MACROD2: variants seen among roughly 807,000 people sequenced by gnomAD.
The protein encoded by MACROD2 is mono-ADP ribosylhydrolase 2, also known as ADP-ribose glycohydrolase MACROD2.
MACROD2 carries 36 observed loss-of-function variants against 70.4 expected under a neutral mutation model. The observed-to-expected ratio is 0.51, with a 90% CI of 0.39 to 0.68. MACROD2 has a LOEUF of 0.68. MACROD2 is among the 30% of genes least tolerant of loss of function. The pLI is 0.00. For missense variants in MACROD2, 496 were observed against 538.4 expected (o/e 0.92, Z 0.78); for synonymous variants, 172 against 178.8 (o/e 0.96, Z 0.30).
chr20:15,036,260 T>G (rs17355703), intron 5 of MACROD2, among the ~76,000 whole-genome samples: 21,232 of 152,152 alleles, frequency 0.14, 1,609 homozygotes, highest in Non-Finnish European at 0.16. Context: ...AGAACACTTG[T>G]AGAACTTGGA....
At chr20:15,157,362 T>C (rs372909653) in intron 5 of MACROD2, among the ~76,000 whole-genome samples, 3,430 of 15,888 alleles carry the variant, frequency 0.22, 74 homozygotes, top group African/African-American at 0.26. Flanking sequence ...CCCCCCCACC[T>C]CCCCCCCCCC....
chr20:14,344,542 T>C (rs969952110), intron 3 of MACROD2, among the ~76,000 whole-genome samples: 7 of 152,198 alleles, frequency 4.6e-5, no homozygotes, highest in Admixed American at 3.9e-4. Context: ...TTCACTAGTT[T>C]TGTTTGTTTT....
chr20:14,115,754 A>T (rs1293812991), intron 3 of MACROD2, among the ~76,000 whole-genome samples: 2 of 152,200 alleles, frequency 1.3e-5, no homozygotes, highest in African/African-American at 4.8e-5. Flanking sequence ...AGTGCTGCAT[A>T]AATGGCCATT....
At chr20:16,000,905 G>A (rs563340005) in intron 15 of MACROD2, among the ~76,000 whole-genome samples, 112 of 152,310 alleles carry the variant, frequency 7.4e-4, no homozygotes, top group African/African-American at 2.5e-3. Context: ...CATTTATACA[G>A]TGGTTGGAAT....
chr20:15,000,572 G>A lies in MACROD2; in HGVS notation c.419-229368G>A, dbSNP rs952434365. On this transcript the variant is annotated intron_variant, in intron 5 of 17. Coordinates refer to ENST00000684519, the MANE Select transcript of MACROD2 (RefSeq NM_001351661.2). Reference sequence around the variant, plus strand: ...CGGGAAGCGGAGCTTGCAGTGAGCCGAGATTGCGCCACTGCAGTCCGCAGT... The same window carrying A: ...CGGGAAGCGGAGCTTGCAGTGAGCCAAGATTGCGCCACTGCAGTCCGCAGT... 7.0e-5 allele frequency among the ~76,000 whole-genome samples: 8 copies of A among 113,868 alleles called. 1 individual carries two copies. In the South Asian group the frequency reaches 1.6e-3, roughly 23 times the overall value. The allele number at this position is 113,868 out of a possible 152,430, so 74.7% of individuals were successfully genotyped here.
At chr20:14,660,151 T>A (rs563255915) in intron 4 of MACROD2, among the ~76,000 whole-genome samples, 7 of 152,306 alleles carry the variant, frequency 4.6e-5, no homozygotes, top group Admixed American at 3.3e-4. Context: ...CCGTCTAGAG[T>A]TGCATCCAGG....
intron 5 of MACROD2, among the ~76,000 whole-genome samples, chr20:14,898,468 C>T (rs571791076): frequency 1.1e-4 from 16 of 152,232 alleles, no homozygotes; most frequent in South Asian, 2.1e-4. Context: ...GTGGCTCACG[C>T]GTATAATCCC....
intron 8 of MACROD2, among the ~76,000 whole-genome samples, chr20:15,709,449 C>T (rs1302654464): frequency 6.6e-6 from 1 of 152,024 alleles, no homozygotes; most frequent in South Asian, 2.1e-4. Context: ...TTGCTTGAGA[C>T]TAGGAGTTTG....
rs973527918 is a variant in MACROD2 at position 14,740,350 on chromosome 20, A to G, written c.418+55391A>G. 2.0e-4 allele frequency among the ~76,000 whole-genome samples: 30 copies of G among 152,248 alleles called. 1 individual carries two copies. The highest frequency in any genetic ancestry group is 2.0e-3 in the Admixed American group (30 of 15,284). ...TCAAACGCTGGTCTGTCTGTCTCCA[A>G]TGCTATTTCTCTATCACCCTACTAA... On this transcript the variant is annotated intron_variant, in intron 5 of 17. Coordinates refer to ENST00000684519, the MANE Select transcript of MACROD2 (RefSeq NM_001351661.2).
chr20:14,223,933 T>C (rs75055165), intron 3 of MACROD2, among the ~76,000 whole-genome samples: 2,226 of 152,228 alleles, frequency 0.015, 23 homozygotes, highest in African/African-American at 0.027. Context: ...ATCTTCAGGG[T>C]GGGCCAGCAG....
At chr20:14,029,920 G>A (rs1264995343) in intron 2 of MACROD2, among the ~76,000 whole-genome samples, 1 of 152,164 alleles carries the variant, frequency 6.6e-6, no homozygotes, top group African/African-American at 2.4e-5. Context: ...GCAAATTACT[G>A]TTCTGTTTCT....
At chr20:15,085,024 A>G (rs1441044348) in intron 5 of MACROD2, among the ~76,000 whole-genome samples, 1 of 152,186 alleles carries the variant, frequency 6.6e-6, no homozygotes, top group African/African-American at 2.4e-5. Context: ...AGTTACAGTA[A>G]TCAAGATACT....
intron 5 of MACROD2, among the ~76,000 whole-genome samples, chr20:15,053,553 G>A (rs1444662104): frequency 2.0e-5 from 3 of 152,040 alleles, no homozygotes; most frequent in African/African-American, 7.2e-5. Flanking sequence ...CCACTGTTAA[G>A]ACCTACTGCT....
chr20:15,924,954 A>G (rs1164341142), intron 10 of MACROD2, among the ~76,000 whole-genome samples: 2 of 152,218 alleles, frequency 1.3e-5, no homozygotes, highest in Non-Finnish European at 2.9e-5. Flanking sequence ...GAAAATTTAA[A>G]CTTAGGGCTT....
At chr20:14,322,420 T>C (rs2082672290) in intron 3 of MACROD2, among the ~76,000 whole-genome samples, 1 of 150,018 alleles carries the variant, frequency 6.7e-6, no homozygotes, top group Admixed American at 6.7e-5. Context: ...TTTTTTTTTT[T>C]TGCTTTTTAT....
intron 6 of MACROD2, among the ~76,000 whole-genome samples, chr20:15,330,527 G>A (rs1391467648): frequency 6.6e-6 from 1 of 151,506 alleles, no homozygotes; most frequent in South Asian, 2.1e-4. Flanking sequence ...GCTGATGGAA[G>A]ATTATAAGCA....
chr20:15,591,892 A>G (rs2048685495), intron 8 of MACROD2, among the ~76,000 whole-genome samples: 2 of 152,164 alleles, frequency 1.3e-5, no homozygotes, highest in African/African-American at 4.8e-5. Flanking sequence ...ATCTGGACCA[A>G]AGTGATTTGG....
At chr20:14,881,783 G>A (rs185250722) in intron 5 of MACROD2, among the ~76,000 whole-genome samples, 1 of 152,210 alleles carries the variant, frequency 6.6e-6, no homozygotes, top group African/African-American at 2.4e-5. Flanking sequence ...CAGAACCAGG[G>A]CCCTCTAAGT....
rs1466631214 is a variant in MACROD2 at position 15,256,600 on chromosome 20, A to G, written c.540+26539A>G. ...GAAATGAATTTGACTCTTACTACTT[A>G]AAACTTTTAGCTGTTTATAGTAATT... On this transcript the variant is annotated intron_variant, in intron 6 of 17. Coordinates refer to ENST00000684519, the MANE Select transcript of MACROD2 (RefSeq NM_001351661.2). Among the ~76,000 whole-genome samples, 8 of 152,188 alleles carry G rather than the reference A, an allele frequency of 5.3e-5. No individual in the cohort carries two copies. The South Asian group carries it at 1.4e-3, about 28-fold the overall frequency.
Sources: gnomAD v4.1 joint callset for allele counts (sites outside exome capture counted in the v4.1 genomes callset) on GRCh38, gnomAD v4.1.1 for gene constraint, MANE v1.5 for transcripts, NCBI Gene and HGNC (gene_info 2026-07-23, HGNC 2026-07-21) for gene names.